The following SESN1 variants were observed in gnomAD, a reference collection of about 807,000 sequenced individuals.
The protein encoded by SESN1 is sestrin-1.
A neutral mutation model predicts 59.3 loss-of-function variants in SESN1; 30 were observed. The observed-to-expected ratio is 0.51, with a 90% CI of 0.38 to 0.69. The LOEUF is 0.69. Among genes scored for constraint, SESN1 ranks in the 30% least tolerant of loss-of-function variants. The pLI, the probability that SESN1 is intolerant of heterozygous loss-of-function variation, is 0.00. For missense variants in SESN1, 566 were observed against 673.0 expected, an observed-to-expected ratio of 0.84 and a Z score of 1.76; for synonymous variants, 197 against 219.9, an observed-to-expected ratio of 0.90 and a Z score of 0.92.
intron 1 of SESN1, among the ~76,000 whole-genome samples, chr6:109,024,700 G>A (rs944453727): frequency 6.6e-6 from 1 of 152,140 alleles, no homozygotes; most frequent in Non-Finnish European, 1.5e-5. Flanking sequence ...TTAGCCTACA[G>A]TTGGGCAAAA....
At chr6:109,084,468 C>T (rs986025092) in intron 1 of SESN1, among the ~76,000 whole-genome samples, 3 of 152,074 alleles carry the variant, frequency 2.0e-5, no homozygotes, top group Admixed American at 2.0e-4. Flanking sequence ...GCAGGAGAAT[C>T]GTTTGAACCC....
chr6:109,082,316 A>G (rs896461205), intron 1 of SESN1, among the ~76,000 whole-genome samples: 1 of 152,076 alleles, frequency 6.6e-6, no homozygotes, highest in Admixed American at 6.5e-5. Flanking sequence ...TAGAGGAAGG[A>G]GGCAGAATAG....
At chr6:109,078,062 T>TATA (rs1048032100) in intron 1 of SESN1, among the ~76,000 whole-genome samples, 2 of 152,168 alleles carry the variant, frequency 1.3e-5, no homozygotes, top group African/African-American at 4.8e-5. Flanking sequence ...CCCTCTTCTC[T>TATA]ATAATAATAA....
chr6:109,019,740 T>C (rs758699551), intron 1 of SESN1, among the ~76,000 whole-genome samples: 22 of 152,216 alleles, frequency 1.4e-4, no homozygotes, highest in Non-Finnish European at 2.8e-4. Flanking sequence ...AAGATATTAT[T>C]GATATCCAGA....
At chr6:109,002,435 C>CAG (rs2114311643) in intron 1 of SESN1, 92 bp from the exon 2 acceptor site, 2 of 936,490 alleles carry the variant, frequency 2.1e-6, no homozygotes, top group East Asian at 5.0e-5. Context: ...ACCAGTCGAA[C>CAG]AGAGACAGGC....
At chr6:109,076,845 TAC>T (rs1489364569) in intron 1 of SESN1, among the ~76,000 whole-genome samples, 2 of 152,372 alleles carry the variant, frequency 1.3e-5, no homozygotes, top group Admixed American at 6.5e-5. Flanking sequence ...TGCTCTGAAT[TAC>T]AGTCATGCTT....
chr6:109,020,467 A>C (rs1779993020), intron 1 of SESN1, among the ~76,000 whole-genome samples: 1 of 152,222 alleles, frequency 6.6e-6, no homozygotes, highest in Non-Finnish European at 1.5e-5. Context: ...ATCCAGTGAA[A>C]TGCTACAGGC....
In SESN1 at chr6:108,987,165, A is replaced by ACTAT. The variant is rs1779221278; in HGVS notation, c.*378_*379insATAG. 6.1e-6 allele frequency: 1 copy of ACTAT among 165,038 alleles called. No homozygotes were observed. Among genetic ancestry groups the ACTAT allele is most frequent in the Non-Finnish European group, 1.3e-5 (1 of 76,656 alleles). 10.2% of individuals were successfully genotyped at this position (165,038 alleles called of 1,614,324 possible). ...GCACCAAGATCTTCTAAAATTCTTTACATATAAAGCTTAAGTCATTATCCA... is the reference window on the plus strand; with the variant it reads ...GCACCAAGATCTTCTAAAATTCTTTACTATCATATAAAGCTTAAGTCATTATCCA... On this transcript the variant is annotated 3_prime_UTR_variant, in exon 10 of 10. Transcript: ENST00000436639.
intron 1 of SESN1, among the ~76,000 whole-genome samples, chr6:109,057,314 C>T (rs773447941): frequency 1.1e-4 from 16 of 152,172 alleles, no homozygotes; most frequent in Non-Finnish European, 2.2e-4. Flanking sequence ...GTGATTGATA[C>T]GTGAAGGTAC....
chr6:109,055,420 T>C (rs538715374), intron 1 of SESN1, among the ~76,000 whole-genome samples: 1 of 152,086 alleles, frequency 6.6e-6, no homozygotes, highest in East Asian at 1.9e-4. Context: ...CCCAGCCCTT[T>C]GAGGGGCTGA....
At chr6:109,021,464 T>C (rs1397871184) in intron 1 of SESN1, among the ~76,000 whole-genome samples, 1 of 151,690 alleles carries the variant, frequency 6.6e-6, no homozygotes, top group Non-Finnish European at 1.5e-5. Context: ...CATCCTTCTT[T>C]TTTTTTTTGC....
chr6:109,077,598 A>T (rs1042001302), intron 1 of SESN1, among the ~76,000 whole-genome samples: 2 of 152,200 alleles, frequency 1.3e-5, no homozygotes, highest in Admixed American at 1.3e-4. Flanking sequence ...GACCCACATG[A>T]TCAGACAGTG....
At chr6:109,090,167 T>G (rs1389326739) in intron 1 of SESN1, among the ~76,000 whole-genome samples, 1 of 152,200 alleles carries the variant, frequency 6.6e-6, no homozygotes. Context: ...AGCAACATTG[T>G]GAGGCAGGAA....
intron 1 of SESN1, among the ~76,000 whole-genome samples, chr6:109,030,712 G>A (rs1780170153): frequency 6.6e-6 from 1 of 152,168 alleles, no homozygotes; most frequent in African/African-American, 2.4e-5. Context: ...TCTACCTAGG[G>A]ACTACAGAAT....
chr6:109,055,661 C>CAAAAAAAAAAAAAAAAAAAAA (rs577017689), intron 1 of SESN1, among the ~76,000 whole-genome samples: 1 of 51,282 alleles, frequency 1.9e-5, no homozygotes, highest in African/African-American at 5.6e-5. Flanking sequence ...GACTCCACCT[C>CAAAAAAAAAAAAAAAAAAAAA]AAAAAAAAAA....
At chr6:109,071,166 C>T (rs1405086022) in intron 1 of SESN1, among the ~76,000 whole-genome samples, 1 of 152,040 alleles carries the variant, frequency 6.6e-6, no homozygotes, top group African/African-American at 2.4e-5. Flanking sequence ...CAGCAATGAA[C>T]AAGAAAAAGT....
chr6:109,020,707 G>C (rs1779997857), intron 1 of SESN1, among the ~76,000 whole-genome samples: 2 of 152,208 alleles, frequency 1.3e-5, no homozygotes, highest in Admixed American at 1.3e-4. Flanking sequence ...GTTATATTTA[G>C]CACAGACCTC....
chr6:109,094,326 T>G lies in SESN1; in HGVS notation c.-253A>C. The G allele has an allele frequency of 6.1e-6, 3 of 489,512 alleles. No individual in the cohort carries two copies. The highest frequency in any genetic ancestry group is 1.1e-5 in the Non-Finnish European group (3 of 275,182). 30.3% of individuals were successfully genotyped at this position (489,512 alleles called of 1,614,324 possible). ...AAAACAAAGTTTGAAAGTTGCAACC[T>G]TGCAGCGCTGGCTTTGGTGGGCAGA... On this transcript the variant is annotated 5_prime_UTR_variant, in exon 1 of 10. Coordinates refer to ENST00000436639, the MANE Select transcript of SESN1 (RefSeq NM_014454.3).
At chr6:109,090,610 C>T (rs374538974) in intron 1 of SESN1, 11 of 152,096 alleles carry the variant, frequency 7.2e-5, no homozygotes, top group African/African-American at 1.2e-4. Context: ...ATTAAGTGGA[C>T]GTGGATAATC....
Sources: gnomAD v4.1 joint callset for allele counts (sites outside exome capture counted in the v4.1 genomes callset) on GRCh38, gnomAD v4.1.1 for gene constraint, MANE v1.5 for transcripts, NCBI Gene and HGNC (gene_info 2026-07-23, HGNC 2026-07-21) for gene names.